LRP12: variants seen among roughly 807,000 people sequenced by gnomAD.
LRP12 encodes the protein LDL receptor related protein 12, also known as low-density lipoprotein receptor-related protein 12.
A neutral mutation model predicts 66.0 loss-of-function variants in LRP12; 14 were observed. The ratio of observed to expected loss-of-function variants is 0.21; its 90% CI spans 0.14 to 0.33. The LOEUF is 0.33. LRP12 is among the 10% of genes least tolerant of loss of function. The probability of loss-of-function intolerance (pLI) is 1.00; values close to 1 mark genes in which losing one functional copy is unlikely to be tolerated. For synonymous variants in LRP12, 357 were observed against 359.1 expected (o/e 0.99, Z 0.07); for missense variants, 889 against 1,053.4 (o/e 0.84, Z 2.16).
intron 1 of LRP12, among the ~76,000 whole-genome samples, chr8:104,581,086 T>C (rs540157329): frequency 3.9e-5 from 6 of 152,308 alleles, no homozygotes; most frequent in Admixed American, 1.3e-4. Flanking sequence ...ACATATACCA[T>C]AGAATACTAT....
chr8:104,547,349 T>C (rs1029164449), intron 1 of LRP12, among the ~76,000 whole-genome samples: 1 of 105,526 alleles, frequency 9.5e-6, no homozygotes, highest in Non-Finnish European at 1.8e-5. Flanking sequence ...TACAATTCTG[T>C]TATATTTTGT....
intron 6 of LRP12, among the ~76,000 whole-genome samples, chr8:104,492,634 G>A (rs1453180142): frequency 6.6e-6 from 1 of 152,044 alleles, no homozygotes; most frequent in African/African-American, 2.4e-5. Context: ...ATCTCTTTGT[G>A]ACTGGTATTG....
At chr8:104,574,771 A>T (rs976688993) in intron 1 of LRP12, among the ~76,000 whole-genome samples, 1 of 152,206 alleles carries the variant, frequency 6.6e-6, no homozygotes, top group Non-Finnish European at 1.5e-5. Flanking sequence ...AAATGATAGT[A>T]TTTTAGATAT....
intron 6 of LRP12, among the ~76,000 whole-genome samples, chr8:104,494,682 G>A (rs1029386830): frequency 3.3e-5 from 5 of 152,092 alleles, no homozygotes; most frequent in African/African-American, 1.2e-4. Flanking sequence ...AGGTAGAAAT[G>A]TTAACTTCAT....
At chr8:104,520,622 AAAG>A (rs1336018789) in intron 2 of LRP12, among the ~76,000 whole-genome samples, 1 of 152,072 alleles carries the variant, frequency 6.6e-6, no homozygotes, top group Non-Finnish European at 1.5e-5. Flanking sequence ...CATGAAGAGT[AAAG>A]AAGAACTATC....
chr8:104,585,473 G>A (rs1436900459), intron 1 of LRP12, among the ~76,000 whole-genome samples: 1 of 152,146 alleles, frequency 6.6e-6, no homozygotes, highest in African/African-American at 2.4e-5. Context: ...AGACTCACCC[G>A]CCTCAGCCTC....
intron 1 of LRP12, among the ~76,000 whole-genome samples, chr8:104,585,779 G>A (rs1026030503): frequency 6.6e-6 from 1 of 152,102 alleles, no homozygotes; most frequent in Non-Finnish European, 1.5e-5. Context: ...GTAAAAGTTA[G>A]GAAACACTAA....
intron 1 of LRP12, among the ~76,000 whole-genome samples, chr8:104,567,360 T>C (rs931072444): frequency 6.6e-6 from 1 of 152,142 alleles, no homozygotes; most frequent in Admixed American, 6.5e-5. Context: ...AAACCCCTCA[T>C]AAACACATCA....
At chr8:104,577,297 C>A (rs1275717918) in intron 1 of LRP12, among the ~76,000 whole-genome samples, 2 of 152,142 alleles carry the variant, frequency 1.3e-5, no homozygotes, top group East Asian at 3.9e-4. Flanking sequence ...TGCCAGATGG[C>A]ACGTACTCTA....
intron 1 of LRP12, among the ~76,000 whole-genome samples, chr8:104,561,208 C>T (rs997746339): frequency 6.6e-6 from 1 of 152,164 alleles, no homozygotes; most frequent in African/African-American, 2.4e-5. Flanking sequence ...CCGTGTTTTG[C>T]CAAACCCTGC....
intron 2 of LRP12, among the ~76,000 whole-genome samples, chr8:104,525,409 G>C (rs893883809): frequency 6.6e-6 from 1 of 151,894 alleles, no homozygotes; most frequent in African/African-American, 2.4e-5. Context: ...TTCCTGGCAA[G>C]GATTTGAGGA....
At chr8:104,513,204 C>CT (rs1484586917) in intron 2 of LRP12, among the ~76,000 whole-genome samples, 5 of 152,128 alleles carry the variant, frequency 3.3e-5, no homozygotes, top group Admixed American at 1.3e-4. Context: ...TTTTAACTCC[C>CT]TTTTGGGTTA....
Position 104,589,010 on chromosome 8 carries a change from T to G in LRP12, c.-113A>C. The G allele has an allele frequency of 1.8e-6, 1 of 548,098 alleles. No individual in the cohort carries two copies. The highest frequency in any genetic ancestry group is 3.0e-6 in the Non-Finnish European group (1 of 337,548). 34.0% of individuals were successfully genotyped at this position (548,098 alleles called of 1,614,324 possible). A position where few individuals can be genotyped will look rare whatever the true frequency, so the allele number is the denominator to read the frequency against. ...CCGCCGCCGCCGCCGAGCCACCGGCTGCTCCCTGCGCTCTCCGCGGCTGCG... is the reference window on the plus strand; with the variant it reads ...CCGCCGCCGCCGCCGAGCCACCGGCGGCTCCCTGCGCTCTCCGCGGCTGCG... On this transcript the variant is annotated 5_prime_UTR_variant, in exon 1 of 7. Coordinates refer to ENST00000276654, the MANE Select transcript of LRP12 (RefSeq NM_013437.5).
chr8:104,566,153 T>C (rs1812001206), intron 1 of LRP12: 1 of 555,438 alleles, frequency 1.8e-6, no homozygotes, highest in Non-Finnish European at 2.9e-6. Context: ...TAAGAGAGGC[T>C]GAGAATATTG....
chr8:104,499,483 G>A lies in LRP12; in HGVS notation c.309C>T (p.Cys103=), dbSNP rs144693154. ...TTTCTATTGTCAACCAGTCCAAATT[G>A]CACCTTCTGGATCCTTGAATATCAA... ...QDFDIQGSRR[C]NLDWLTIETY... Residue 103 remains cysteine (C), a synonymous_variant, in exon 4 of 7, where the codon TGC becomes TGT. Transcript: ENST00000276654. The A allele has an allele frequency of 2.7e-5, 43 of 1,611,358 alleles. No individual in the cohort carries two copies. The African/African-American group carries it at 4.4e-4, about 17-fold the overall frequency.
chr8:104,566,541 ATATT>A (rs1812007199), intron 1 of LRP12: 2 of 153,418 alleles, frequency 1.3e-5, no homozygotes, highest in African/African-American at 4.8e-5. Flanking sequence ...GATATACAAA[ATATT>A]TAGGAGACTT....
intron 1 of LRP12, among the ~76,000 whole-genome samples, chr8:104,563,408 T>C (rs901962971): frequency 3.9e-5 from 6 of 152,162 alleles, no homozygotes; most frequent in African/African-American, 1.4e-4. Context: ...ATACAACTAA[T>C]ATCCAAACTT....
Position 104,490,733 on chromosome 8 carries a change from AGT to A in LRP12, c.2518_2519del (p.Thr840LeufsTer12). ...GIVHTAQIPD[T>X]CLEVTLKNET... Reference sequence around the variant, plus strand: ...CGTTTTTCAGTGTTACTTCTAAGCAAGTGTCTGGTATCTGGGCAGTGTGGACA... The same window carrying A: ...CGTTTTTCAGTGTTACTTCTAAGCAAGTCTGGTATCTGGGCAGTGTGGACA... On this transcript the variant is annotated frameshift_variant, in exon 7 of 7. Transcript: ENST00000276654. LOFTEE classifies it high-confidence loss of function. 1 of 1,613,974 alleles carries A rather than the reference AGT, an allele frequency of 6.2e-7. No individual in the cohort carries two copies. Among genetic ancestry groups the A allele is most frequent in the Non-Finnish European group, 8.5e-7 (1 of 1,179,980 alleles).
At chr8:104,588,779 C>A (rs1440476062) in intron 1 of LRP12, 40 bp downstream of exon 1, 1 of 1,598,936 alleles carries the variant, frequency 6.3e-7, no homozygotes, top group South Asian at 1.1e-5. Context: ...GTCGCCTCAG[C>A]TTTGTTCGGT....
Sources: allele counts gnomAD v4.1 joint callset (sites outside exome capture counted in the v4.1 genomes callset), GRCh38; gene constraint gnomAD v4.1.1; transcripts MANE v1.5; gene names NCBI Gene and HGNC (gene_info 2026-07-23, HGNC 2026-07-21).